P2RY12: variants seen among roughly 807,000 people sequenced by gnomAD.
The protein encoded by P2RY12 is purinergic receptor P2Y12.
A neutral mutation model predicts 4.5 loss-of-function variants in P2RY12; 3 were observed. That is an observed-to-expected ratio of 0.67 (90% CI 0.31 to 1.74). The LOEUF is 1.74. P2RY12 is among the 40% of genes most tolerant of loss of function. P2RY12 has a pLI of 0.09. For synonymous variants in P2RY12, 148 were observed against 154.1 expected (o/e 0.96, Z 0.29); for missense variants, 356 against 407.8 (o/e 0.87, Z 1.09).
rs533204721 is a variant in P2RY12 at position 151,350,683 on chromosome 3, C to T, written c.-179-9923G>A. On this transcript the variant is annotated intron_variant, in intron 1 of 2. Transcript: ENST00000302632. ...CAGCATATTTGCTCACCTTTTCTTGCATTATTGAGAAAAATGATTGCAGTA... is the reference window on the plus strand; with the variant it reads ...CAGCATATTTGCTCACCTTTTCTTGTATTATTGAGAAAAATGATTGCAGTA... Among the ~76,000 whole-genome samples, 7 of 152,186 alleles carry T rather than the reference C, an allele frequency of 4.6e-5. No homozygotes were observed. The East Asian group carries it at 9.7e-4, about 21-fold the overall frequency.
chr3:151,354,907 G>T (rs993782784), intron 1 of P2RY12, among the ~76,000 whole-genome samples: 1 of 152,188 alleles, frequency 6.6e-6, no homozygotes, highest in East Asian at 1.9e-4. Context: ...TGATCTCCTA[G>T]GGAGGGAGAC....
At chr3:151,384,097 C>T (rs766330189) in intron 1 of P2RY12, 48 of 1,613,408 alleles carry the variant, frequency 3.0e-5, no homozygotes, top group Non-Finnish European at 3.7e-5. Flanking sequence ...TTATTCACAA[C>T]AGTTCTTGAC....
At chr3:151,370,493 A>C (rs2107997279) in intron 1 of P2RY12, among the ~76,000 whole-genome samples, 1 of 152,344 alleles carries the variant, frequency 6.6e-6, no homozygotes, top group East Asian at 1.9e-4. Flanking sequence ...TCACCTTAAG[A>C]AAGGATACAC....
At chr3:151,368,060 T>A (rs1755507141) in intron 1 of P2RY12, 1 of 1,065,622 alleles carries the variant, frequency 9.4e-7, no homozygotes, top group Admixed American at 2.4e-5. Context: ...ATTTAAATAA[T>A]TATTCCAGGA....
At position 151,338,712 on chromosome 3, in the gene P2RY12, A is replaced by G; in HGVS notation, c.134T>C (p.Leu45Pro). The G allele has an allele frequency of 6.2e-7, 1 of 1,613,608 alleles. No homozygotes were observed. The highest frequency in any genetic ancestry group is 8.5e-7 in the Non-Finnish European group (1 of 1,179,808). Residue 45 changes from leucine (L) to proline (P), a missense_variant, in exon 3 of 3, where the codon CTG becomes CCG. Coordinates refer to ENST00000302632, the MANE Select transcript of P2RY12 (RefSeq NM_022788.5). ...GATTTGAAAGAAAATCCTCATCGCC[A>G]GGCCATTTGTGATAAGTCCAACAAA... ...LFFVGLITNG[L>P]AMRIFFQIRS...
At chr3:151,375,346 T>A (rs985134304) in intron 1 of P2RY12, among the ~76,000 whole-genome samples, 5 of 152,168 alleles carry the variant, frequency 3.3e-5, no homozygotes, top group Non-Finnish European at 5.9e-5. Flanking sequence ...TGTTGATGAT[T>A]TCTTACTTTA....
At chr3:151,346,570 T>A (rs1752566741) in intron 1 of P2RY12, among the ~76,000 whole-genome samples, 1 of 152,216 alleles carries the variant, frequency 6.6e-6, no homozygotes, top group Admixed American at 6.5e-5. Flanking sequence ...TTGTGACTTC[T>A]TAACCTCACT....
intron 1 of P2RY12, chr3:151,384,191 A>G: frequency 6.2e-7 from 1 of 1,609,006 alleles, no homozygotes; most frequent in Non-Finnish European, 8.5e-7. Flanking sequence ...ACAAGCGTGC[A>G]TACATGAATT....
intron 1 of P2RY12, among the ~76,000 whole-genome samples, chr3:151,343,306 A>C (rs563632804): frequency 6.6e-6 from 1 of 152,214 alleles, no homozygotes. Context: ...TACTTAAGTC[A>C]TACTACCTTA....
rs764657007 is a variant in P2RY12, at chr3:151,338,299, C to A, written c.547G>T (p.Gly183Cys). 3 of 1,614,008 alleles carry A rather than the reference C, an allele frequency of 1.9e-6. No homozygotes were observed. The highest frequency in any genetic ancestry group is 2.5e-6 in the Non-Finnish European group (3 of 1,179,984). Residue 183 changes from glycine to cysteine, a missense_variant, in exon 3 of 3, where the codon GGT becomes TGT. Transcript: ENST00000302632. Reference sequence around the variant, plus strand: ...TTTACTATTTCATGCCAGACTAGACCGAACTCTGATTTAAGGAAAGAGCAT... The same window carrying A: ...TTTACTATTTCATGCCAGACTAGACAGAACTCTGATTTAAGGAAAGAGCAT... ...KKCSFLKSEF[G>C]LVWHEIVNYI...
At position 151,341,566 on chromosome 3, in the gene P2RY12, CT is replaced by C. The variant is rs56101716; in HGVS notation, c.-179-807del. On this transcript the variant is annotated intron_variant, in intron 1 of 2. Coordinates refer to ENST00000302632, the MANE Select transcript of P2RY12 (RefSeq NM_022788.5). ...AGGGCAAAGTGTTTTGCTGCTTTAA[CT>C]TTTTTTTTTTAATTTTATTATTATT... Among the ~76,000 whole-genome samples the C allele has an allele frequency of 1.5e-3, 221 of 148,508 alleles. 2 individuals carry two copies. Among genetic ancestry groups the C allele is most frequent in the African/African-American group, 4.7e-3 (189 of 40,492 alleles).
chr3:151,347,358 G>A (rs990228115), intron 1 of P2RY12, among the ~76,000 whole-genome samples: 2 of 152,148 alleles, frequency 1.3e-5, no homozygotes, highest in Non-Finnish European at 2.9e-5. Flanking sequence ...CTATTAAGGA[G>A]ATTATAAAAA....
At chr3:151,353,741 A>G (rs1051545205) in intron 1 of P2RY12, among the ~76,000 whole-genome samples, 1 of 152,238 alleles carries the variant, frequency 6.6e-6, no homozygotes, top group African/African-American at 2.4e-5. Flanking sequence ...TGTGTCTTTA[A>G]TAGAGAAATC....
rs745898005 is a variant in P2RY12 at position 151,337,842 on chromosome 3, T to G, written c.1004A>C (p.Asp335Ala). 21 of 1,613,962 alleles carry G rather than the reference T, an allele frequency of 1.3e-5. No individual in the cohort carries two copies. The highest frequency in any genetic ancestry group is 1.8e-5 in the Non-Finnish European group (21 of 1,179,978). ...DNRKKEQDGG[D>A]PNEETPM ...TTACATTGGAGTCTCTTCATTTGGG[T>G]CACCACCATCCTGTTCTTTTTTCCT... Residue 335 changes from aspartate to alanine, a missense_variant, in exon 3 of 3, where the codon GAC becomes GCC. Asp to Ala is a moderately radical substitution (Grantham distance 126, BLOSUM62 -2). Coordinates refer to ENST00000302632, the MANE Select transcript of P2RY12 (RefSeq NM_022788.5).
At chr3:151,384,294 C>A in intron 1 of P2RY12, 1 of 1,365,614 alleles carries the variant, frequency 7.3e-7, no homozygotes, top group South Asian at 1.5e-5. Flanking sequence ...TAATTTATTA[C>A]TCATTAAATG....
At chr3:151,349,907 T>C in intron 1 of P2RY12, 1 of 530,032 alleles carries the variant, frequency 1.9e-6, no homozygotes. Flanking sequence ...AACAAGGGTG[T>C]TGCCAGTGGA....
intron 1 of P2RY12, among the ~76,000 whole-genome samples, chr3:151,358,802 T>C (rs117123589): frequency 6.6e-6 from 1 of 152,326 alleles, no homozygotes; most frequent in East Asian, 1.9e-4. Flanking sequence ...TTTTTCTTAT[T>C]GCTTGCAAAT....
chr3:151,374,575 T>G (rs1262895123), intron 1 of P2RY12, among the ~76,000 whole-genome samples: 8 of 140,214 alleles, frequency 5.7e-5, no homozygotes, highest in Non-Finnish European at 1.3e-4. Context: ...AAGAAAGAAA[T>G]GTTACACACA....
chr3:151,337,556 G>T lies in P2RY12; in HGVS notation c.*261C>A. ...CAAAACTCTGCAAAACATGAATTCT[G>T]TGTAGTTTTGCATGCAGCATGACAA... is the stretch of plus-strand genomic sequence containing the variant. On this transcript the variant is annotated 3_prime_UTR_variant, in exon 3 of 3. Coordinates refer to ENST00000302632, the MANE Select transcript of P2RY12 (RefSeq NM_022788.5). The T allele has an allele frequency of 2.5e-6, 1 of 405,840 alleles. No individual in the cohort carries two copies. Among genetic ancestry groups the T allele is most frequent in the Non-Finnish European group, 4.4e-6 (1 of 226,864 alleles). 25.1% of individuals were successfully genotyped at this position (405,840 alleles called of 1,614,324 possible). A position where few individuals can be genotyped will look rare whatever the true frequency, so the allele number is the denominator to read the frequency against.
Sources: allele counts gnomAD v4.1 joint callset (sites outside exome capture counted in the v4.1 genomes callset), GRCh38; gene constraint gnomAD v4.1.1; transcripts MANE v1.5; gene names NCBI Gene and HGNC (gene_info 2026-07-23, HGNC 2026-07-21).